Variants in DAB1 observed in about 807,000 individuals in gnomAD.
The protein encoded by DAB1 is disabled homolog 1.
Under a neutral mutation model 64.6 loss-of-function variants are expected in DAB1, and 15 were observed. The observed-to-expected ratio is 0.23, with a 90% confidence interval of 0.16 to 0.36. The LOEUF (loss-of-function observed/expected upper bound fraction) is 0.36, where lower values mean the gene tolerates loss of function less well. Among genes scored for constraint, DAB1 ranks in the 10% least tolerant of loss-of-function variants. The pLI, the probability that DAB1 is intolerant of heterozygous loss-of-function variation, is 1.00. For missense variants in DAB1, 596 were observed against 706.7 expected, an observed-to-expected ratio of 0.84 and a Z score of 1.78; for synonymous variants, 235 against 251.9, an observed-to-expected ratio of 0.93 and a Z score of 0.64.
chr1:58,046,410 A>G (rs1647258757), intron 5 of DAB1, among the ~76,000 whole-genome samples: 1 of 152,196 alleles, frequency 6.6e-6, no homozygotes, highest in South Asian at 2.1e-4. Flanking sequence ...CTCCCATAGA[A>G]CACATTTACA....
intron 5 of DAB1, among the ~76,000 whole-genome samples, chr1:58,020,685 TG>T (rs1373783187): frequency 6.6e-6 from 1 of 152,136 alleles, no homozygotes; most frequent in African/African-American, 2.4e-5. Flanking sequence ...TGTGTAAAAC[TG>T]CCTAGAATCA....
intron 1 of DAB1, among the ~76,000 whole-genome samples, chr1:57,357,474 T>C (rs547989278): frequency 4.0e-5 from 6 of 151,708 alleles, no homozygotes; most frequent in South Asian, 4.2e-4. Context: ...CAATTTCTTT[T>C]ATCACTGATT....
At position 57,543,381 on chromosome 1, in the gene DAB1, G is replaced by T. The variant is rs367629500; in HGVS notation, n.625+106211C>A. Among the ~76,000 whole-genome samples the T allele has an allele frequency of 6.6e-5, 10 of 152,252 alleles. No homozygotes were observed. In the South Asian group the frequency reaches 8.3e-4, roughly 13 times the overall value. The stretch of plus-strand genomic sequence containing the variant: ...CAATTTTCCTGAGTGATATACCAGA[G>T]ATCAAGTTCTAAGCACAATCATGTC... On this transcript the variant is annotated intron_variant and non_coding_transcript_variant, in intron 7 of 20. Transcript: ENST00000485760.
rs148827512 is a variant in DAB1 at position 58,468,925 on chromosome 1, T to C, written n.257+37135A>G. On this transcript the variant is annotated intron_variant and non_coding_transcript_variant, in intron 3 of 20. Transcript: ENST00000485760. ...GAGTGATCTGAGTGGTACCCCTCCA[T>C]GGCCGCTACACTGTATATGAGCAGA... 708 of 243,936 alleles carry C rather than the reference T, an allele frequency of 2.9e-3. 3 individuals carry two copies. The highest frequency in any genetic ancestry group is 0.01 in the African/African-American group (443 of 43,756). The allele number at this position is 243,936 out of a possible 1,614,324, so 15.1% of individuals were successfully genotyped here.
intron 7 of DAB1, among the ~76,000 whole-genome samples, chr1:57,438,031 C>A (rs1685761354): frequency 6.6e-6 from 1 of 152,200 alleles, no homozygotes; most frequent in Non-Finnish European, 1.5e-5. Context: ...TTTCCAGCTT[C>A]CATCCCAGCC....
chr1:58,288,679 T>C (rs1470164971), intron 4 of DAB1, among the ~76,000 whole-genome samples: 1 of 152,200 alleles, frequency 6.6e-6, no homozygotes, highest in Non-Finnish European at 1.5e-5. Flanking sequence ...ATACTGCTAT[T>C]ATTTTAAGTT....
intron 1 of DAB1, among the ~76,000 whole-genome samples, chr1:57,391,900 T>G (rs1396085518): frequency 6.6e-6 from 1 of 152,048 alleles, no homozygotes; most frequent in Non-Finnish European, 1.5e-5. Flanking sequence ...AGTGTTAATA[T>G]GAAGGATGAC....
At chr1:58,396,344 T>A (rs1644522277) in intron 3 of DAB1, among the ~76,000 whole-genome samples, 1 of 152,048 alleles carries the variant, frequency 6.6e-6, no homozygotes, top group African/African-American at 2.4e-5. Flanking sequence ...GTGTTTCTCA[T>A]TGTTAGGCAT....
At chr1:58,515,463 C>A (rs1434227243) in intron 2 of DAB1, among the ~76,000 whole-genome samples, 2 of 152,002 alleles carry the variant, frequency 1.3e-5, no homozygotes, top group African/African-American at 4.8e-5. Flanking sequence ...TTCCCTCTAT[C>A]TTAGGTAAAG....
At chr1:58,049,730 C>T (rs1212780210) in intron 5 of DAB1, among the ~76,000 whole-genome samples, 3 of 152,114 alleles carry the variant, frequency 2.0e-5, no homozygotes, top group African/African-American at 7.2e-5. Flanking sequence ...AATGATACCT[C>T]ACATTGCAGG....
At chr1:58,365,352 TA>T (rs1644206969) in intron 3 of DAB1, among the ~76,000 whole-genome samples, 1 of 152,216 alleles carries the variant, frequency 6.6e-6, no homozygotes, top group Non-Finnish European at 1.5e-5. Context: ...AAGGAATGCT[TA>T]CTGCCCAGTT....
At chr1:57,964,729 C>T (rs985921923) in intron 5 of DAB1, among the ~76,000 whole-genome samples, 3 of 152,170 alleles carry the variant, frequency 2.0e-5, no homozygotes, top group African/African-American at 2.4e-5. Context: ...GCAGAATTTA[C>T]GTCTTAGTTA....
intron 1 of DAB1, among the ~76,000 whole-genome samples, chr1:57,360,497 T>C (rs1387417346): frequency 6.6e-6 from 1 of 152,140 alleles, no homozygotes; most frequent in Non-Finnish European, 1.5e-5. Context: ...CTGTGCATCA[T>C]GTTTAATTCG....
At chr1:57,528,570 C>T (rs1644620488) in intron 7 of DAB1, among the ~76,000 whole-genome samples, 1 of 151,562 alleles carries the variant, frequency 6.6e-6, no homozygotes, top group African/African-American at 2.4e-5. Flanking sequence ...AACAAAGAAA[C>T]CACTCCTAGG....
At chr1:58,290,566 A>T (rs1017408131) in intron 4 of DAB1, among the ~76,000 whole-genome samples, 1 of 152,140 alleles carries the variant, frequency 6.6e-6, no homozygotes, top group South Asian at 2.1e-4. Context: ...GTAAAAAAAA[A>T]TTGGTATTTC....
At chr1:57,203,817 A>G (rs1426925598) in intron 2 of DAB1, among the ~76,000 whole-genome samples, 1 of 152,238 alleles carries the variant, frequency 6.6e-6, no homozygotes, top group Non-Finnish European at 1.5e-5. Flanking sequence ...GGTTCCGGAC[A>G]ACTGGCCTAG....
At chr1:57,712,030 A>G (rs1188551592) in intron 6 of DAB1, among the ~76,000 whole-genome samples, 1 of 152,206 alleles carries the variant, frequency 6.6e-6, no homozygotes, top group Non-Finnish European at 1.5e-5. Flanking sequence ...AATAGCCACC[A>G]TACTACAAAC....
rs566102733 is a variant in DAB1 at position 57,171,963 on chromosome 1, C to T, written c.68-26534G>A. ...GTTCTGGAGGCTAGAAGTTCAAGAT[C>T]AAGTTGCCGGCAGGGTTGGGCCCTT... On this transcript the variant is annotated intron_variant, in intron 2 of 14. Coordinates refer to ENST00000371236, the MANE Select transcript of DAB1 (RefSeq NM_001365792.1). 1.1e-4 allele frequency among the ~76,000 whole-genome samples: 16 copies of T among 152,220 alleles called. 1 individual carries two copies. The highest frequency in any genetic ancestry group is 3.9e-4 in the African/African-American group (16 of 41,538).
intron 2 of DAB1, among the ~76,000 whole-genome samples, chr1:57,284,644 T>A (rs1002157979): frequency 6.6e-6 from 1 of 152,262 alleles, no homozygotes; most frequent in East Asian, 1.9e-4. Context: ...ATAGAAGCAA[T>A]GATAAATAAG....
Sources: allele counts gnomAD v4.1 joint callset (sites outside exome capture counted in the v4.1 genomes callset), GRCh38; gene constraint gnomAD v4.1.1; transcripts MANE v1.5; gene names NCBI Gene and HGNC (gene_info 2026-07-23, HGNC 2026-07-21).